The following IFT140 variants were observed in gnomAD, a reference collection of about 807,000 sequenced individuals.
IFT140 encodes the protein intraflagellar transport 140, also known as intraflagellar transport protein 140 homolog.
A neutral mutation model predicts 164.6 loss-of-function variants in IFT140; 133 were observed. The observed-to-expected ratio is 0.81, with a 90% CI of 0.70 to 0.93. The LOEUF is 0.93. IFT140 is among the 40% of genes least tolerant of loss of function. The pLI is 0.00. For missense variants in IFT140, 2,045 were observed against 1,972.3 expected (o/e 1.04, Z -0.70); for synonymous variants, 860 against 817.3 (o/e 1.05, Z -0.89).
Position 1,583,601 on chromosome 16 carries a change from GT to G in IFT140, c.1360-216del, listed in dbSNP as rs778759241. 8.9e-3 allele frequency among the ~76,000 whole-genome samples: 1,234 copies of G among 138,422 alleles called. 5 individuals carry two copies. Among genetic ancestry groups the G allele is most frequent in the Non-Finnish European group, 0.01 (640 of 63,114 alleles). 90.8% of individuals were successfully genotyped at this position (138,422 alleles called of 152,430 possible). On this transcript the variant is annotated intron_variant, in intron 11 of 30. Transcript: ENST00000426508. Reference sequence around the variant, plus strand: ...ATGGGTTTTATTATGATTCTTTTCTGTTTTTTTTTTTCTTTTTTTTTTAGGT... The same window carrying G: ...ATGGGTTTTATTATGATTCTTTTCTGTTTTTTTTTTCTTTTTTTTTTAGGT...
intron 3 of IFT140, among the ~76,000 whole-genome samples, chr16:1,603,149 AGTGCCACCTTGTCATGAT>A (rs1204185443): frequency 6.6e-6 from 1 of 152,124 alleles, no homozygotes; most frequent in Admixed American, 6.5e-5. Flanking sequence ...CTTCTCATGG[AGTGCCACCTTGTCATGAT>A]GTGCCACCTC....
Position 1,553,129 on chromosome 16 carries a change from T to C in IFT140, c.2399+4806A>G. On this transcript the variant is annotated intron_variant, in intron 19 of 30. Transcript: ENST00000426508. The surrounding 1 kb of genome is among the most constrained non-coding windows in gnomAD (Gnocchi z 4.4). ...GGAGGGTACAGTGATGATGAAAAGA[T>C]AATGCTTGGGTTTTTAGGAAAAACA... 2 of 985,438 alleles carry C rather than the reference T, an allele frequency of 2.0e-6. No individual in the cohort carries two copies. Among genetic ancestry groups the C allele is most frequent in the Non-Finnish European group, 2.4e-6 (2 of 829,928 alleles). 61.0% of individuals were successfully genotyped at this position (985,438 alleles called of 1,614,324 possible). A position where few individuals can be genotyped will look rare whatever the true frequency, so the allele number is the denominator to read the frequency against.
intron 30 of IFT140, among the ~76,000 whole-genome samples, chr16:1,512,588 A>G (rs1257021077): frequency 6.6e-6 from 1 of 152,226 alleles, no homozygotes; most frequent in African/African-American, 2.4e-5. Context: ...AGGATATAGC[A>G]GTCTGGGCAT....
chr16:1,555,831 C>G (rs2033043265), intron 19 of IFT140, among the ~76,000 whole-genome samples: 1 of 152,142 alleles, frequency 6.6e-6, no homozygotes, highest in South Asian at 2.1e-4. Context: ...AGCCTGTGCG[C>G]GATGGCTCAC....
At chr16:1,552,364 C>T (rs756607529) in intron 19 of IFT140, among the ~76,000 whole-genome samples, 1 of 152,122 alleles carries the variant, frequency 6.6e-6, no homozygotes, top group African/African-American at 2.4e-5. Flanking sequence ...GCCTCTGTCT[C>T]GGGTGTCCTG....
In IFT140 at chr16:1,564,851, A is replaced by G. The variant is rs147140896; in HGVS notation, c.1902-689T>C. ...AGGACAGGACCCGGTGCTGCAGGAC[A>G]TGAAGATCCCCTAGTAAGCCACTGC... On this transcript the variant is annotated intron_variant, in intron 16 of 30. Transcript: ENST00000426508. The surrounding 1 kb of genome is among the most constrained non-coding windows in gnomAD (Gnocchi z 5.5). Among the ~76,000 whole-genome samples, 49 of 152,310 alleles carry G rather than the reference A, an allele frequency of 3.2e-4. 1 individual carries two copies. The highest frequency in any genetic ancestry group is 1.1e-3 in the African/African-American group (45 of 41,578).
rs1321057610 is a variant in IFT140, at chr16:1,566,195, C to G, written c.1867G>C (p.Glu623Gln). ...TCTTGCTCATTAAAGGACAGCGTCT[C>G]TCTCCGATCAATTTGTCCAGTCTTG... is the stretch of plus-strand genomic sequence containing the variant. ...DFKTGQIDRR[E>Q]TLSFNEQETN... Residue 623 changes from glutamate (E) to glutamine (Q), a missense_variant, in exon 16 of 31, where the codon GAG (glutamate) becomes CAG (glutamine). Transcript: ENST00000426508. 17 of 1,613,804 alleles carry G rather than the reference C, an allele frequency of 1.1e-5. No homozygotes were observed. The highest frequency in any genetic ancestry group is 1.7e-5 in the Admixed American group (1 of 59,994).
chr16:1,571,359 T>A, intron 14 of IFT140, 48 bp downstream of exon 14: 1 of 1,593,198 alleles, frequency 6.3e-7, no homozygotes, highest in Non-Finnish European at 8.6e-7. Flanking sequence ...CACTGTCTCC[T>A]GACTGACTAA....
Position 1,518,210 on chromosome 16 carries a change from C to G in IFT140, c.4182+6G>C, listed in dbSNP as rs200345577. 3.1e-6 allele frequency: 5 copies of G among 1,607,852 alleles called. No individual in the cohort carries two copies. Among genetic ancestry groups the G allele is most frequent in the Admixed American group, 1.7e-5 (1 of 59,818 alleles). On this transcript the variant is annotated splice_donor_region_variant and intron_variant, in intron 30 of 30. Coordinates refer to ENST00000426508, the MANE Select transcript of IFT140 (RefSeq NM_014714.4). Reference sequence around the variant, plus strand: ...ATGCTGCTAGTGAGCAGCACTCAGGCCTCACCGTCTGGTATTCCTCCTTCC... The same window carrying G: ...ATGCTGCTAGTGAGCAGCACTCAGGGCTCACCGTCTGGTATTCCTCCTTCC...
chr16:1,568,147 G>A lies in IFT140; in HGVS notation c.1770+70C>T, dbSNP rs968493882. The A allele has an allele frequency of 3.6e-6, 4 of 1,101,988 alleles. No individual in the cohort carries two copies. The African/African-American group carries it at 4.6e-5, about 13-fold the overall frequency. The allele number at this position is 1,101,988 out of a possible 1,614,324, so 68.3% of individuals were successfully genotyped here. A position where few individuals can be genotyped will look rare whatever the true frequency, so the allele number is the denominator to read the frequency against. On this transcript the variant is annotated intron_variant, in intron 15 of 30. Coordinates refer to ENST00000426508, the MANE Select transcript of IFT140 (RefSeq NM_014714.4). ...CACAGGAGGAGAGAGGCACGAGCAGGCAGGAGGCCTGGCCTGGGAGGACAG... is the reference window on the plus strand; with the variant it reads ...CACAGGAGGAGAGAGGCACGAGCAGACAGGAGGCCTGGCCTGGGAGGACAG...
intron 15 of IFT140, among the ~76,000 whole-genome samples, chr16:1,567,567 C>T (rs1396071731): frequency 6.6e-6 from 1 of 152,268 alleles, no homozygotes; most frequent in Admixed American, 6.5e-5. Flanking sequence ...CATCCACAGG[C>T]AGTGGGCGGG....
chr16:1,543,444 AAGT>A (rs2031845755), intron 19 of IFT140, among the ~76,000 whole-genome samples: 1 of 152,220 alleles, frequency 6.6e-6, no homozygotes, highest in Non-Finnish European at 1.5e-5. Flanking sequence ...GGCCCTGGGC[AAGT>A]CACTTCCCCT....
At chr16:1,544,560 T>C (rs1185133276) in intron 19 of IFT140, among the ~76,000 whole-genome samples, 1 of 151,488 alleles carries the variant, frequency 6.6e-6, no homozygotes, top group Non-Finnish European at 1.5e-5. Context: ...GAACTCCTGA[T>C]CTCAGGTGAT....
chr16:1,515,223 A>T (rs2040302925), intron 30 of IFT140, among the ~76,000 whole-genome samples: 1 of 152,176 alleles, frequency 6.6e-6, no homozygotes, highest in African/African-American at 2.4e-5. Flanking sequence ...ACACCTAGGA[A>T]CATCATTATC....
At chr16:1,584,491 ATACT>A in intron 10 of IFT140, 71 bp from the exon 11 acceptor site, 1 of 1,206,994 alleles carries the variant, frequency 8.3e-7, no homozygotes, top group Non-Finnish European at 1.2e-6. Context: ...GGTCAGGAGA[ATACT>A]TACACACACG....
chr16:1,595,233 C>T (rs192408810), intron 4 of IFT140, among the ~76,000 whole-genome samples: 14 of 151,846 alleles, frequency 9.2e-5, no homozygotes, highest in Admixed American at 8.5e-4. Context: ...TGCAGTGAGC[C>T]GAGATGGCGC....
At chr16:1,602,173 G>A in intron 4 of IFT140, 197 bp downstream of exon 4, 1 of 597,304 alleles carries the variant, frequency 1.7e-6, no homozygotes, top group Non-Finnish European at 3.0e-6. Context: ...CATTTATAAA[G>A]GTGCAGACAC....
intron 19 of IFT140, among the ~76,000 whole-genome samples, chr16:1,530,340 C>G (rs1308740372): frequency 6.6e-6 from 1 of 151,876 alleles, no homozygotes; most frequent in African/African-American, 2.4e-5. Flanking sequence ...ATCATGTTGG[C>G]CAGGATGGTC....
At chr16:1,549,592 C>T (rs1448327098) in intron 19 of IFT140, among the ~76,000 whole-genome samples, 6 of 152,172 alleles carry the variant, frequency 3.9e-5, no homozygotes, top group South Asian at 2.1e-4. Context: ...CCACCACGCC[C>T]GGCTAATTTT....
Sources: gnomAD v4.1 joint callset for allele counts (sites outside exome capture counted in the v4.1 genomes callset) on GRCh38, gnomAD v4.1.1 for gene constraint, Gnocchi (gnomAD v3.1) non-coding constraint, MANE v1.5 for transcripts, NCBI Gene and HGNC (gene_info 2026-07-23, HGNC 2026-07-21) for gene names.